The following TMPRSS15 variants were observed in gnomAD, a reference collection of about 807,000 sequenced individuals.
The protein encoded by TMPRSS15 is enteropeptidase.
TMPRSS15 carries 128 observed loss-of-function variants against 125.3 expected under a neutral mutation model. The ratio of observed to expected loss-of-function variants is 1.02; its 90% CI spans 0.89 to 1.18. TMPRSS15 has a LOEUF of 1.18. Ranked by LOEUF, TMPRSS15 falls within the 50% of genes most tolerant of loss-of-function variation. TMPRSS15 has a pLI of 0.00. For missense variants in TMPRSS15, 1,283 were observed against 1,212.7 expected (o/e 1.06, Z -0.86); for synonymous variants, 446 against 423.2 (o/e 1.05, Z -0.66).
intron 1 of TMPRSS15, among the ~76,000 whole-genome samples, chr21:18,456,668 T>A (rs918435429): frequency 1.2e-4 from 18 of 152,120 alleles, no homozygotes; most frequent in Admixed American, 2.0e-4. Flanking sequence ...TAATTAGAGC[T>A]GTATATTATT....
intron 4 of TMPRSS15, 35 bp from the exon 5 acceptor site, chr21:18,379,353 T>A: frequency 1.0e-6 from 1 of 975,686 alleles, no homozygotes; most frequent in Non-Finnish European, 1.4e-6. Flanking sequence ...AATTATTACC[T>A]ATTTTAAACT....
At chr21:18,445,348 T>G (rs2076253158) in intron 1 of TMPRSS15, among the ~76,000 whole-genome samples, 1 of 151,886 alleles carries the variant, frequency 6.6e-6, no homozygotes, top group African/African-American at 2.4e-5. Context: ...TCCTGGCTAA[T>G]TTTTGTATTT....
At chr21:18,387,596 TAC>T (rs369654215) in intron 3 of TMPRSS15, among the ~76,000 whole-genome samples, 7 of 132,772 alleles carry the variant, frequency 5.3e-5, no homozygotes, top group Admixed American at 1.6e-4. Context: ...GAAGAGTAGC[TAC>T]ACACACACAC....
intron 1 of TMPRSS15, among the ~76,000 whole-genome samples, chr21:18,464,545 C>A (rs1266529360): frequency 1.3e-5 from 2 of 151,906 alleles, no homozygotes; most frequent in African/African-American, 4.8e-5. Context: ...AGAGAAGAAT[C>A]AAATAAACAC....
At chr21:18,420,239 T>C (rs1237760222) in intron 1 of TMPRSS15, among the ~76,000 whole-genome samples, 1 of 152,236 alleles carries the variant, frequency 6.6e-6, no homozygotes, top group Non-Finnish European at 1.5e-5. Flanking sequence ...TGAGGCAATG[T>C]TAGCCACCTT....
chr21:18,350,688 A>G (rs1379603917), intron 10 of TMPRSS15, among the ~76,000 whole-genome samples: 1 of 151,962 alleles, frequency 6.6e-6, no homozygotes, highest in African/African-American at 2.4e-5. Context: ...CCATCCTCTT[A>G]CAAAGCTTCA....
intron 22 of TMPRSS15, among the ~76,000 whole-genome samples, chr21:18,279,412 A>G (rs1433934232): frequency 3.2e-5 from 4 of 124,848 alleles, no homozygotes; most frequent in African/African-American, 9.1e-5. Flanking sequence ...TGCAAGCTCC[A>G]CCTCCCAGGT....
chr21:18,282,657 G>A (rs1216656783), intron 21 of TMPRSS15, among the ~76,000 whole-genome samples: 1 of 152,176 alleles, frequency 6.6e-6, no homozygotes, highest in Non-Finnish European at 1.5e-5. Flanking sequence ...ACACCTAAGT[G>A]CTCTGTAGCA....
intron 10 of TMPRSS15, among the ~76,000 whole-genome samples, chr21:18,345,604 G>A (rs1601366139): frequency 6.8e-6 from 1 of 147,460 alleles, no homozygotes; most frequent in Non-Finnish European, 1.5e-5. Context: ...AGCTGGGCGT[G>A]GTGGCGGGCG....
chr21:18,278,696 C>T (rs996107014), intron 23 of TMPRSS15, among the ~76,000 whole-genome samples: 4 of 152,006 alleles, frequency 2.6e-5, no homozygotes, highest in Admixed American at 1.3e-4. Context: ...CACTCCAGCC[C>T]GGGCCACATT....
chr21:18,303,474 T>C (rs548212148), intron 18 of TMPRSS15, among the ~76,000 whole-genome samples: 1 of 152,144 alleles, frequency 6.6e-6, no homozygotes, highest in Non-Finnish European at 1.5e-5. Flanking sequence ...TCATAGAATA[T>C]ATAGCGTTAA....
At chr21:18,426,424 A>G (rs2076202806) in intron 1 of TMPRSS15, among the ~76,000 whole-genome samples, 1 of 152,180 alleles carries the variant, frequency 6.6e-6, no homozygotes, top group Non-Finnish European at 1.5e-5. Context: ...AAGGGGCTTA[A>G]CTCAATTACC....
chr21:18,338,674 CA>C (rs771986759), intron 13 of TMPRSS15, among the ~76,000 whole-genome samples: 1 of 150,500 alleles, frequency 6.6e-6, no homozygotes, highest in South Asian at 2.1e-4. Flanking sequence ...TTCATGTCAC[CA>C]AAATAAGAGT....
chr21:18,341,624 A>AAGAGATTCAATATTGTCT, intron 12 of TMPRSS15, 76 bp from the exon 13 acceptor site: 2 of 1,473,708 alleles, frequency 1.4e-6, no homozygotes, highest in Non-Finnish European at 1.9e-6. Context: ...TTGTGAGCCC[A>AAGAGATTCAATATTGTCT]AGAGATTCAA....
In TMPRSS15 at chr21:18,451,884, A is replaced by G. The variant is rs1338912494; in HGVS notation, c.10+33915T>C. ...AGTTCACAGTCATGGCATGCATAAGACATGCATGACATGCATGCATAATTT... is the reference window on the plus strand; with the variant it reads ...AGTTCACAGTCATGGCATGCATAAGGCATGCATGACATGCATGCATAATTT... On this transcript the variant is annotated intron_variant, in intron 1 of 7. Coordinates refer to the TMPRSS15 transcript ENST00000422787. Among the ~76,000 whole-genome samples, 3 of 124,036 alleles carry G rather than the reference A, an allele frequency of 2.4e-5. 1 individual carries two copies. The highest frequency in any genetic ancestry group is 1.0e-4 in the African/African-American group (3 of 30,046). 81.4% of individuals were successfully genotyped at this position (124,036 alleles called of 152,430 possible).
chr21:18,329,476 A>G (rs911408887), intron 14 of TMPRSS15, among the ~76,000 whole-genome samples, 182 bp from the exon 15 acceptor site: 15 of 150,248 alleles, frequency 1.0e-4, no homozygotes, highest in African/African-American at 3.2e-4. Flanking sequence ...AAGAAAATAT[A>G]TTGGTTTAGT....
intron 6 of TMPRSS15, among the ~76,000 whole-genome samples, chr21:18,366,154 C>T (rs1393386848): frequency 2.0e-5 from 3 of 152,134 alleles, no homozygotes; most frequent in Non-Finnish European, 2.9e-5. Flanking sequence ...AATAACCAGT[C>T]ATTTTTTGTC....
chr21:18,440,372 C>CAAAAAAAAAAAAAAAAAAAAAAAA (rs539968323), intron 1 of TMPRSS15, among the ~76,000 whole-genome samples: 1 of 47,432 alleles, frequency 2.1e-5, no homozygotes, highest in African/African-American at 8.3e-5. Context: ...AACTCCGTCT[C>CAAAAAAAAAAAAAAAAAAAAAAAA]AAAAAAAAAA....
chr21:18,398,064 G>T, intron 2 of TMPRSS15, 118 bp from the exon 3 acceptor site: 1 of 1,251,238 alleles, frequency 8.0e-7, no homozygotes, highest in Non-Finnish European at 1.2e-6. Flanking sequence ...TTTCTCCATA[G>T]TAATGGGGCT....
Sources: gnomAD v4.1 joint callset for allele counts (sites outside exome capture counted in the v4.1 genomes callset) on GRCh38, gnomAD v4.1.1 for gene constraint, MANE v1.5 for transcripts, NCBI Gene and HGNC (gene_info 2026-07-23, HGNC 2026-07-21) for gene names.